TMEM156: variants seen among roughly 807,000 people sequenced by gnomAD.
TMEM156 encodes the protein transmembrane protein 156.
In TMEM156, 28 loss-of-function variants were observed where a neutral mutation model predicts 30.5. That is an observed-to-expected ratio of 0.92 (90% CI 0.68 to 1.26). TMEM156 has a LOEUF of 1.26. Ranked by LOEUF, TMEM156 falls within the 50% of genes most tolerant of loss-of-function variation. The pLI is 0.00. For synonymous variants in TMEM156, 137 were observed against 119.9 expected (o/e 1.14, Z -0.93); for missense variants, 351 against 340.6 (o/e 1.03, Z -0.24).
At chr4:38,986,261 A>T in intron 5 of TMEM156, 75 bp downstream of exon 5, 2 of 1,006,996 alleles carry the variant, frequency 2.0e-6, no homozygotes, top group Non-Finnish European at 3.2e-6. Context: ...TCAGATCTTG[A>T]GTTTACTGTG....
chr4:39,012,846 G>A (rs1330862327), intron 1 of TMEM156, among the ~76,000 whole-genome samples: 1 of 152,112 alleles, frequency 6.6e-6, no homozygotes, highest in Non-Finnish European at 1.5e-5. Flanking sequence ...GGCTGAGTCA[G>A]GAAGAATTGC....
intron 5 of TMEM156, among the ~76,000 whole-genome samples, chr4:38,972,242 A>ATTT (rs144479056): frequency 1.8e-4 from 14 of 75,812 alleles, no homozygotes; most frequent in South Asian, 6.1e-4. Context: ...TTCTCTGGGA[A>ATTT]TTTTTTTTTT....
At chr4:39,014,064 A>C (rs1054622675) in intron 1 of TMEM156, among the ~76,000 whole-genome samples, 1 of 152,226 alleles carries the variant, frequency 6.6e-6, no homozygotes, top group African/African-American at 2.4e-5. Flanking sequence ...ATAAAACTTT[A>C]TTTATGGATA....
intron 1 of TMEM156, among the ~76,000 whole-genome samples, chr4:39,014,571 C>T (rs1714355015): frequency 6.6e-6 from 1 of 151,930 alleles, no homozygotes; most frequent in African/African-American, 2.4e-5. Context: ...CCAGCCTGGC[C>T]AACATGGTGA....
intron 4 of TMEM156, 54 bp downstream of exon 4, chr4:38,988,797 T>G: frequency 6.2e-7 from 1 of 1,603,902 alleles, no homozygotes. Flanking sequence ...AAAAAGGAAA[T>G]GAAATCCATA....
intron 6 of TMEM156, among the ~76,000 whole-genome samples, chr4:38,970,564 AT>A (rs775255129): frequency 6.6e-6 from 1 of 152,306 alleles, no homozygotes. Context: ...TGATGAATGA[AT>A]AAAAAAAAAT....
In TMEM156 at chr4:38,984,563, C is replaced by T. The variant is rs181387333; in HGVS notation, c.823+1773G>A. On this transcript the variant is annotated intron_variant, in intron 5 of 6. Coordinates refer to ENST00000381938, the MANE Select transcript of TMEM156 (RefSeq NM_024943.3). Reference sequence around the variant, plus strand: ...GAGAACCATGCTGACACATTTTTCCCGTACATTCTCACTGCTGCCTATAAT... The same window carrying T: ...GAGAACCATGCTGACACATTTTTCCTGTACATTCTCACTGCTGCCTATAAT... Among the ~76,000 whole-genome samples, 480 of 152,090 alleles carry T rather than the reference C, an allele frequency of 3.2e-3. 20 individuals are homozygous for T. In the South Asian group the frequency reaches 0.095, roughly 30 times the overall value.
At chr4:39,015,618 A>G (rs1488561231) in intron 1 of TMEM156, among the ~76,000 whole-genome samples, 6 of 152,230 alleles carry the variant, frequency 3.9e-5, no homozygotes, top group Non-Finnish European at 8.8e-5. Context: ...ACTGTGAGAC[A>G]ATACATTTGT....
At chr4:38,976,477 T>A (rs771646996) in intron 5 of TMEM156, among the ~76,000 whole-genome samples, 1 of 152,052 alleles carries the variant, frequency 6.6e-6, no homozygotes, top group Non-Finnish European at 1.5e-5. Flanking sequence ...TGAGCGTAGA[T>A]GCATAGCATC....
chr4:38,975,197 T>G (rs1445510439), intron 5 of TMEM156, among the ~76,000 whole-genome samples: 1 of 152,072 alleles, frequency 6.6e-6, no homozygotes, highest in Non-Finnish European at 1.5e-5. Flanking sequence ...CATCTTTACC[T>G]GGCCCACAGC....
Position 38,972,242 on chromosome 4 carries a change from A to ATTTTTTTTTTTTT in TMEM156, c.824-1118_824-1106dup, listed in dbSNP as rs144479056. Among the ~76,000 whole-genome samples the ATTTTTTTTTTTTT allele has an allele frequency of 4.6e-4, 35 of 75,860 alleles. 1 individual carries two copies. Among genetic ancestry groups the ATTTTTTTTTTTTT allele is most frequent in the East Asian group, 2.2e-3 (5 of 2,296 alleles). The allele number at this position is 75,860 out of a possible 152,430, so 49.8% of individuals were successfully genotyped here. A position where few individuals can be genotyped will look rare whatever the true frequency, so the allele number is the denominator to read the frequency against. ...AAATACTGTAGAACCTTCTCTGGGA[A>ATTTTTTTTTTTTT]TTTTTTTTTTTTTTTTTTTTTTTTT... On this transcript the variant is annotated intron_variant, in intron 5 of 6. Coordinates refer to ENST00000381938, the MANE Select transcript of TMEM156 (RefSeq NM_024943.3).
At chr4:39,004,368 T>C (rs1713584793) in intron 1 of TMEM156, among the ~76,000 whole-genome samples, 1 of 152,178 alleles carries the variant, frequency 6.6e-6, no homozygotes, top group Non-Finnish European at 1.5e-5. Context: ...ATCAACTACC[T>C]TTCTTTTTAA....
chr4:38,998,271 G>A (rs140243810), intron 2 of TMEM156, among the ~76,000 whole-genome samples: 10 of 152,246 alleles, frequency 6.6e-5, no homozygotes, highest in African/African-American at 1.9e-4. Flanking sequence ...TTGGCCAGGC[G>A]CTGTGGCTAA....
chr4:39,023,930 A>T (rs1377953001), intron 1 of TMEM156, among the ~76,000 whole-genome samples: 1 of 152,264 alleles, frequency 6.6e-6, no homozygotes. Context: ...TACACAAAAT[A>T]AAAGAAGAGA....
chr4:38,980,061 C>T (rs543592283), intron 5 of TMEM156, among the ~76,000 whole-genome samples: 1 of 152,168 alleles, frequency 6.6e-6, no homozygotes, highest in South Asian at 2.1e-4. Context: ...CAACTTCTTC[C>T]CATGTTCAAA....
intron 1 of TMEM156, among the ~76,000 whole-genome samples, chr4:39,016,878 G>C (rs1471766913): frequency 6.6e-6 from 1 of 152,158 alleles, no homozygotes; most frequent in Admixed American, 6.5e-5. Flanking sequence ...AGGTGTAATG[G>C]ACTTAAGTTC....
chr4:38,996,592 A>C (rs552520708), intron 2 of TMEM156, among the ~76,000 whole-genome samples: 1 of 152,216 alleles, frequency 6.6e-6, no homozygotes, highest in Admixed American at 6.5e-5. Context: ...GAAAAGAAAA[A>C]AAAACATAAG....
intron 1 of TMEM156, among the ~76,000 whole-genome samples, chr4:39,006,515 T>C (rs1460855474): frequency 6.6e-6 from 1 of 152,168 alleles, no homozygotes; most frequent in Non-Finnish European, 1.5e-5. Context: ...TTCTTTCTAA[T>C]TTGAGCTTTG....
At position 38,981,223 on chromosome 4, in the gene TMEM156, G is replaced by C. The variant is rs114926940; in HGVS notation, c.823+5113C>G. Among the ~76,000 whole-genome samples the C allele has an allele frequency of 8.5e-3, 1,289 of 152,254 alleles. 16 individuals carry two copies. Among genetic ancestry groups the C allele is most frequent in the African/African-American group, 0.029 (1,218 of 41,534 alleles). On this transcript the variant is annotated intron_variant, in intron 5 of 6. Coordinates refer to ENST00000381938, the MANE Select transcript of TMEM156 (RefSeq NM_024943.3). The stretch of plus-strand genomic sequence containing the variant: ...TGAAACCTGCTTAGTATTTATTATA[G>C]CGGCCATAAACATGTTCCAAATTAT...
Sources: allele counts gnomAD v4.1 joint callset (sites outside exome capture counted in the v4.1 genomes callset), GRCh38; gene constraint gnomAD v4.1.1; transcripts MANE v1.5; gene names NCBI Gene and HGNC (gene_info 2026-07-23, HGNC 2026-07-21).